The following ZNF462 variants were observed in gnomAD, a reference collection of about 807,000 sequenced individuals.
ZNF462 encodes the protein zinc finger PBX1-interacting protein.
Under a neutral mutation model 201.9 loss-of-function variants are expected in ZNF462, and 10 were observed. The ratio of observed to expected loss-of-function variants is 0.05; its 90% confidence interval spans 0.03 to 0.08. ZNF462 has a LOEUF of 0.08. ZNF462 is among the 10% of genes least tolerant of loss of function. ZNF462 has a pLI of 1.00. For missense variants in ZNF462, 2,523 were observed against 3,168.3 expected, an observed-to-expected ratio of 0.80 and a Z score of 4.89; for synonymous variants, 1,227 against 1,193.3, an observed-to-expected ratio of 1.03 and a Z score of -0.58.
Position 106,926,948 on chromosome 9 carries a change from T to A in ZNF462, c.3036T>A (p.Phe1012Leu). The part of the protein sequence containing the change: ...ATFNKNTPKT[F>L]TPECENQKDP... ...TCAACAAAAACACTCCTAAGACCTTTACTCCTGAATGTGAAAATCAGAAGG... is the reference window on the plus strand; with the variant it reads ...TCAACAAAAACACTCCTAAGACCTTAACTCCTGAATGTGAAAATCAGAAGG... Residue 1012 changes from phenylalanine (F) to leucine (L), a missense_variant, in exon 3 of 13, where the codon TTT (phenylalanine) becomes TTA (leucine). Transcript: ENST00000277225. This position sits in a 1 kb window ranked among gnomAD's most constrained non-coding sequence, Gnocchi z 7.9. The A allele has an allele frequency of 6.2e-7, 1 of 1,614,164 alleles. No individual in the cohort carries two copies. The highest frequency in any genetic ancestry group is 1.7e-5 in the Admixed American group (1 of 60,022).
In ZNF462 at chr9:106,905,749, C is replaced by A. The variant is rs747470028; in HGVS notation, c.-30-17605C>A. On this transcript the variant is annotated intron_variant, in intron 1 of 12. Transcript: ENST00000277225. This position sits in a 1 kb window ranked among gnomAD's most constrained non-coding sequence, Gnocchi z 5.9. Reference sequence around the variant, plus strand: ...GCTGGTCTCACTCTCACCGTGACCCCCGCAACAGCCCCGAGTCTGTTTCCA... The same window carrying A: ...GCTGGTCTCACTCTCACCGTGACCCACGCAACAGCCCCGAGTCTGTTTCCA... Among the ~76,000 whole-genome samples the A allele has an allele frequency of 1.6e-4, 25 of 152,134 alleles. No individual in the cohort carries two copies. The highest frequency in any genetic ancestry group is 2.2e-4 in the Non-Finnish European group (15 of 68,022).
In ZNF462 at chr9:106,968,147, C is replaced by G. The variant is rs1443374080; in HGVS notation, c.6428-3858C>G. The stretch of plus-strand genomic sequence containing the variant: ...GAACAGATGCCTAAGACACAAGACT[C>G]AGACTTTATAATCAGACAGGTCTTT... On this transcript the variant is annotated intron_variant, in intron 7 of 12. Coordinates refer to ENST00000277225, the MANE Select transcript of ZNF462 (RefSeq NM_021224.6). This position sits in a 1 kb window ranked among gnomAD's most constrained non-coding sequence, Gnocchi z 4.0. Among the ~76,000 whole-genome samples, 1 of 152,180 alleles carries G rather than the reference C, an allele frequency of 6.6e-6. No individual in the cohort carries two copies. Among genetic ancestry groups the G allele is most frequent in the Non-Finnish European group, 1.5e-5 (1 of 68,032 alleles).
chr9:106,973,703 G>A (rs1203008249), intron 8 of ZNF462, among the ~76,000 whole-genome samples: 1 of 149,308 alleles, frequency 6.7e-6, no homozygotes, highest in East Asian at 1.9e-4. Flanking sequence ...TTGACTTCCT[G>A]GACAACTTGT....
chr9:106,900,879 TCTTTA>T (rs891121263), intron 1 of ZNF462, among the ~76,000 whole-genome samples: 4 of 152,204 alleles, frequency 2.6e-5, no homozygotes, highest in East Asian at 1.9e-4. Context: ...GTGCAAAAGC[TCTTTA>T]CTTTAATTAG....
At chr9:106,879,993 G>A (rs777971158) in intron 1 of ZNF462, among the ~76,000 whole-genome samples, 3 of 152,106 alleles carry the variant, frequency 2.0e-5, no homozygotes, top group African/African-American at 4.8e-5. Context: ...TCTTGGAATC[G>A]TGGATCCTTG....
chr9:106,974,235 A>G lies in ZNF462; in HGVS notation c.6794A>G (p.Tyr2265Cys), dbSNP rs781103073. Residue 2265 changes from tyrosine (Y) to cysteine (C), a missense_variant, in exon 9 of 13, where the codon TAC becomes TGC. This residue lies in a region of ZNF462 where 228 missense variants were observed against 361.2 expected (regional missense o/e 0.63). Transcript: ENST00000277225. This position sits in a 1 kb window ranked among gnomAD's most constrained non-coding sequence, Gnocchi z 4.0. ...RCPLCLYHTK[Y>C]KRNMIDHIVL... is the part of the protein sequence containing the mutation. ...CCTCTCTGCCTCTATCACACCAAAT[A>G]CAAGCGCAACATGATTGACCACATC... The G allele has an allele frequency of 3.7e-6, 6 of 1,614,086 alleles. No homozygotes were observed. Among genetic ancestry groups the G allele is most frequent in the Non-Finnish European group, 5.1e-6 (6 of 1,180,004 alleles).
rs757931766 is a variant in ZNF462, at chr9:106,890,539, G to C, written c.-31+27184G>C. On this transcript the variant is annotated intron_variant, in intron 1 of 12. Coordinates refer to ENST00000277225, the MANE Select transcript of ZNF462 (RefSeq NM_021224.6). The surrounding 1 kb of genome is among the most constrained non-coding windows in gnomAD (Gnocchi z 4.2). ...TTTTACACTTGGATGATGTAGTTAG[G>C]CTCAACTCCATTTGTAGTGAGAAAC... 2.0e-5 allele frequency among the ~76,000 whole-genome samples: 3 copies of C among 152,110 alleles called. No homozygotes were observed. The highest frequency in any genetic ancestry group is 4.4e-5 in the Non-Finnish European group (3 of 68,024).
intron 10 of ZNF462, among the ~76,000 whole-genome samples, chr9:106,987,930 C>T (rs563584238): frequency 1.3e-5 from 2 of 152,232 alleles, no homozygotes; most frequent in South Asian, 2.1e-4. Context: ...GTCCTTTCCC[C>T]ACTTCATGTT....
Position 106,930,757 on chromosome 9 carries a change from C to T in ZNF462, c.6012+68C>T. ...TCGAGTTACTTATTAACCCCATTGC[C>T]TAAAGCAGCTCAGGAAAGAGCATCT... On this transcript the variant is annotated intron_variant, in intron 4 of 12. Coordinates refer to ENST00000277225, the MANE Select transcript of ZNF462 (RefSeq NM_021224.6). This position sits in a 1 kb window ranked among gnomAD's most constrained non-coding sequence, Gnocchi z 5.8. 1.3e-6 allele frequency: 2 copies of T among 1,572,984 alleles called. No individual in the cohort carries two copies. Among genetic ancestry groups the T allele is most frequent in the Non-Finnish European group, 1.7e-6 (2 of 1,151,840 alleles).
In ZNF462 at chr9:106,925,436, C is replaced by T; in HGVS notation, c.1524C>T (p.Ser508=). ...DWDAVNSQSE[S]ISSSLNEGVV... ...ATGCTGTGAATTCCCAGAGTGAAAG[C>T]ATTTCTTCCTCACTGAATGAAGGTG... The change falls in exon 3 of 13, where the codon AGC becomes AGT. Residue 508 remains serine, a synonymous_variant. Coordinates refer to ENST00000277225, the MANE Select transcript of ZNF462 (RefSeq NM_021224.6). The surrounding 1 kb of genome is among the most constrained non-coding windows in gnomAD (Gnocchi z 7.9). The T allele has an allele frequency of 1.2e-6, 2 of 1,614,162 alleles. No individual in the cohort carries two copies. Among genetic ancestry groups the T allele is most frequent in the Non-Finnish European group, 8.5e-7 (1 of 1,180,024 alleles).
rs1269101779 is a variant in ZNF462, at chr9:106,968,975, G to A, written c.6428-3030G>A. Among the ~76,000 whole-genome samples the A allele has an allele frequency of 2.0e-5, 3 of 152,156 alleles. No homozygotes were observed. Among genetic ancestry groups the A allele is most frequent in the African/African-American group, 7.2e-5 (3 of 41,426 alleles). ...ACAGGAATTTTATGTAGCTTAGCAAGTGGGCTTTTTAAAGATCGGTGGAAT... is the reference window on the plus strand; with the variant it reads ...ACAGGAATTTTATGTAGCTTAGCAAATGGGCTTTTTAAAGATCGGTGGAAT... On this transcript the variant is annotated intron_variant, in intron 7 of 12. Coordinates refer to ENST00000277225, the MANE Select transcript of ZNF462 (RefSeq NM_021224.6). This position sits in a 1 kb window ranked among gnomAD's most constrained non-coding sequence, Gnocchi z 4.0.
At chr9:106,964,784 TTGAA>T (rs1372849541) in intron 7 of ZNF462, among the ~76,000 whole-genome samples, 4 of 152,104 alleles carry the variant, frequency 2.6e-5, no homozygotes, top group Non-Finnish European at 5.9e-5. Flanking sequence ...ATTAATTAAA[TTGAA>T]TGAGCTCAGT....
rs2132451634 is a variant in ZNF462 at position 106,993,595 on chromosome 9, G to A, written c.7056+9186G>A. Among the ~76,000 whole-genome samples, 1 of 151,846 alleles carries A rather than the reference G, an allele frequency of 6.6e-6. No homozygotes were observed. Among genetic ancestry groups the A allele is most frequent in the Admixed American group, 6.6e-5 (1 of 15,232 alleles). ...GTCCTCTAGAAGGTTGACTAGTGTA[G>A]TCTCTCCCTCCTCTCCCCCTCCCCT... is the stretch of plus-strand genomic sequence containing the variant. On this transcript the variant is annotated intron_variant, in intron 10 of 12. Transcript: ENST00000277225. The surrounding 1 kb of genome is among the most constrained non-coding windows in gnomAD (Gnocchi z 4.0).
At chr9:106,995,348 T>G (rs927834331) in intron 10 of ZNF462, among the ~76,000 whole-genome samples, 1 of 152,216 alleles carries the variant, frequency 6.6e-6, no homozygotes, top group Non-Finnish European at 1.5e-5. Context: ...TTGTTTTTAA[T>G]ATTCTTAGGC....
At chr9:106,892,387 A>G (rs554035945) in intron 1 of ZNF462, among the ~76,000 whole-genome samples, 1 of 152,280 alleles carries the variant, frequency 6.6e-6, no homozygotes, top group African/African-American at 2.4e-5. Flanking sequence ...ATTTTTAGGC[A>G]TCATCAAACT....
intron 1 of ZNF462, among the ~76,000 whole-genome samples, chr9:106,882,294 G>T (rs1017909911): frequency 2.0e-5 from 3 of 152,204 alleles, no homozygotes; most frequent in African/African-American, 4.8e-5. Flanking sequence ...CAGTCAAAAT[G>T]TATGGAGTCT....
rs746863416 is a variant in ZNF462 at position 106,927,025 on chromosome 9, C to T, written c.3113C>T (p.Ala1038Val). Reference protein sequence around the residue: ...VVYDCDVCSFASPNMHSVLVH... With the variant: ...VVYDCDVCSFVSPNMHSVLVH... ...TATGATTGTGATGTTTGTTCGTTTG[C>T]AAGCCCCAACATGCATTCTGTCTTG... Residue 1038 changes from alanine to valine, a missense_variant, in exon 3 of 13, where the codon GCA (alanine) becomes GTA (valine). Coordinates refer to ENST00000277225, the MANE Select transcript of ZNF462 (RefSeq NM_021224.6). 1 of 1,614,084 alleles carries T rather than the reference C, an allele frequency of 6.2e-7. No individual in the cohort carries two copies. The highest frequency in any genetic ancestry group is 1.1e-5 in the South Asian group (1 of 91,040).
chr9:106,926,033 T>G lies in ZNF462; in HGVS notation c.2121T>G (p.Ile707Met). ...TAGCAAGCAACCTTCAGAGCAAAAT[T>G]AACCAAACCAAACAGCAGGAAGATG... ...DEIASNLQSK[I>M]NQTKQQEDAV... The change falls in exon 3 of 13, where the codon ATT becomes ATG. Residue 707 changes from isoleucine to methionine, a missense_variant. Around this residue, in one of 15 missense-constraint regions of ZNF462, gnomAD observed 383 missense variants for 453.4 expected, o/e 0.84. Transcript: ENST00000277225. This position sits in a 1 kb window ranked among gnomAD's most constrained non-coding sequence, Gnocchi z 7.9. The G allele has an allele frequency of 6.2e-7, 1 of 1,614,056 alleles. No homozygotes were observed. Among genetic ancestry groups the G allele is most frequent in the Non-Finnish European group, 8.5e-7 (1 of 1,180,018 alleles).
Position 106,894,917 on chromosome 9 carries a change from A to G in ZNF462, c.-30-28437A>G, listed in dbSNP as rs192061564. On this transcript the variant is annotated intron_variant, in intron 1 of 12. Transcript: ENST00000277225. ...TATATTAGGCTATGTGGACTGTGTT[A>G]TTGAAGTTAACTACACTTGTTTCTA... Among the ~76,000 whole-genome samples, 6 of 152,320 alleles carry G rather than the reference A, an allele frequency of 3.9e-5. No individual in the cohort carries two copies. The East Asian group carries it at 1.2e-3, about 29-fold the overall frequency.
Sources: gnomAD v4.1 joint callset for allele counts (sites outside exome capture counted in the v4.1 genomes callset) on GRCh38, gnomAD v4.1.1 for gene constraint, gnomAD v4.1.1 regional missense constraint, Gnocchi (gnomAD v3.1) non-coding constraint, MANE v1.5 for transcripts, NCBI Gene and HGNC (gene_info 2026-07-23, HGNC 2026-07-21) for gene names.